The following ZNF280A variants were observed in gnomAD, a reference collection of about 807,000 sequenced individuals.
ZNF280A encodes suppressor of hairy wing homolog 1.
ZNF280A carries 26 observed loss-of-function variants against 35.9 expected under a neutral mutation model. The ratio of observed to expected loss-of-function variants is 0.72; its 90% CI spans 0.53 to 1.01. ZNF280A has a LOEUF of 1.01. ZNF280A is among the 50% of genes least tolerant of loss of function. ZNF280A has a pLI of 0.00. For missense variants in ZNF280A, 654 were observed against 652.0 expected (o/e 1.00, Z -0.03); for synonymous variants, 231 against 232.9 (o/e 0.99, Z 0.07).
At chr22:22,517,047 G>A (rs2062080242) in intron 1 of ZNF280A, among the ~76,000 whole-genome samples, 1 of 151,888 alleles carries the variant, frequency 6.6e-6, no homozygotes, top group Non-Finnish European at 1.5e-5. Context: ...ATTACAGTGA[G>A]ATATATCATG....
At position 22,514,420 on chromosome 22, in the gene ZNF280A, G is replaced by A. The variant is rs376568791; in HGVS notation, c.1211C>T (p.Ser404Leu). 32 of 1,613,800 alleles carry A rather than the reference G, an allele frequency of 2.0e-5. No homozygotes were observed. In the African/African-American group the frequency reaches 2.3e-4, roughly 11 times the overall value. The change falls in exon 2 of 2, where the codon TCG becomes TTG. Residue 404 changes from serine to leucine, a missense_variant. Transcript: ENST00000302097. Reference protein sequence around the residue: ...YVCQVCHYRSSVFADVETHFR... With the variant: ...YVCQVCHYRSLVFADVETHFR... ...ATGTGTTTCCACATCAGCAAAGACC[G>A]ACGATCTGTAATGGCAAACCTGGCA...
rs144599536 is a variant in ZNF280A at position 22,515,302 on chromosome 22, G to A, written c.329C>T (p.Ser110Leu). 8.2e-4 allele frequency: 1,321 copies of A among 1,613,782 alleles called. No homozygotes were observed. Among genetic ancestry groups the A allele is most frequent in the Non-Finnish European group, 1.0e-3 (1,195 of 1,179,946 alleles). ...IMPVSLSEGR[S>L]TDSPVTMKSS... ...CTTCATAGTGACAGGACTATCTGTC[G>A]ATCGCCCCTCAGACAGAGAAACCGG... is the stretch of plus-strand genomic sequence containing the variant. Residue 110 changes from serine to leucine, a missense_variant, in exon 2 of 2, where the codon TCG (serine) becomes TTG (leucine). Coordinates refer to ENST00000302097, the MANE Select transcript of ZNF280A (RefSeq NM_080740.5).
intron 1 of ZNF280A, among the ~76,000 whole-genome samples, chr22:22,517,631 C>G (rs985602042): frequency 2.0e-5 from 3 of 151,918 alleles, no homozygotes; most frequent in Non-Finnish European, 4.4e-5. Context: ...TTTATTGATT[C>G]TAAGGTATAG....
chr22:22,518,073 C>T (rs1367695077), intron 1 of ZNF280A, among the ~76,000 whole-genome samples: 1 of 151,720 alleles, frequency 6.6e-6, no homozygotes, highest in African/African-American at 2.4e-5. Context: ...CTACAGGCGC[C>T]CGCCACCTCG....
In ZNF280A at chr22:22,515,164, C is replaced by T; in HGVS notation, c.467G>A (p.Gly156Glu). The change falls in exon 2 of 2, where the codon GGA (glycine) becomes GAA (glutamate). Residue 156 changes from glycine (G) to glutamate (E), a missense_variant. Gly to Glu is a moderately conservative substitution (Grantham distance 98, BLOSUM62 -2). Transcript: ENST00000302097. ...ATCAGGAGAACTCTCATTTCTGCCTCCTCCAGAGACCATAGCTCCAACTAG... is the reference window on the plus strand; with the variant it reads ...ATCAGGAGAACTCTCATTTCTGCCTTCTCCAGAGACCATAGCTCCAACTAG... ...QCLVGAMVSG[G>E]GRNESSPDSK... The T allele has an allele frequency of 3.1e-6, 5 of 1,613,908 alleles. No homozygotes were observed. Among genetic ancestry groups the T allele is most frequent in the Non-Finnish European group, 4.2e-6 (5 of 1,179,978 alleles).
chr22:22,516,450 T>G (rs576436912), intron 1 of ZNF280A, among the ~76,000 whole-genome samples: 135 of 152,078 alleles, frequency 8.9e-4, no homozygotes, highest in African/African-American at 2.9e-3. Context: ...CTGCTCTATC[T>G]TTTAAAGATA....
intron 1 of ZNF280A, among the ~76,000 whole-genome samples, chr22:22,519,286 A>G (rs1328734257): frequency 1.3e-5 from 2 of 151,628 alleles, no homozygotes; most frequent in African/African-American, 4.8e-5. Context: ...TACAAAAATT[A>G]TCTGGGCAGA....
Position 22,513,782 on chromosome 22 carries a change from TGA to T in ZNF280A, c.*218_*219del. ...AAAGTTCATGAACAAGAAAAACCTC[TGA>T]GGTCAGAATAAGGGATGCCCTGTTG... is the stretch of plus-strand genomic sequence containing the variant. On this transcript the variant is annotated 3_prime_UTR_variant, in exon 2 of 2. Transcript: ENST00000302097. 2.2e-6 allele frequency: 1 copy of T among 460,124 alleles called. No homozygotes were observed. Among genetic ancestry groups the T allele is most frequent in the East Asian group, 3.3e-5 (1 of 30,018 alleles). 28.5% of individuals were successfully genotyped at this position (460,124 alleles called of 1,614,324 possible). A position where few individuals can be genotyped will look rare whatever the true frequency, so the allele number is the denominator to read the frequency against.
chr22:22,515,968 C>T (rs1053622570), intron 1 of ZNF280A, among the ~76,000 whole-genome samples: 1 of 151,874 alleles, frequency 6.6e-6, no homozygotes. Context: ...AAATTTTGCA[C>T]TCTAGATGCC....
chr22:22,517,876 T>TTAAAA (rs1234706021), intron 1 of ZNF280A, among the ~76,000 whole-genome samples: 1 of 127,922 alleles, frequency 7.8e-6, no homozygotes, highest in Non-Finnish European at 1.6e-5. Context: ...ACATCTGATG[T>TTAAAA]AAAAAAAAAA....
chr22:22,516,108 A>G (rs911866715), intron 1 of ZNF280A, among the ~76,000 whole-genome samples: 12 of 151,748 alleles, frequency 7.9e-5, no homozygotes, highest in Non-Finnish European at 1.6e-4. Flanking sequence ...CATCTCTACA[A>G]AAAAATTTAA....
rs532632521 is a variant in ZNF280A at position 22,515,705 on chromosome 22, A to C, written c.-71-4T>G. 1 of 1,514,422 alleles carries C rather than the reference A, an allele frequency of 6.6e-7. No homozygotes were observed. Among genetic ancestry groups the C allele is most frequent in the African/African-American group, 1.4e-5 (1 of 71,590 alleles). 93.8% of individuals were successfully genotyped at this position (1,514,422 alleles called of 1,614,324 possible). ...CTGTCTTTTTACAAATTGCCACCTA[A>C]GTGCAACCATGTGACAATAGTCAAT... is the stretch of plus-strand genomic sequence containing the variant. On this transcript the variant is annotated splice_polypyrimidine_tract_variant and splice_region_variant and intron_variant, in intron 1 of 1. Transcript: ENST00000302097.
At chr22:22,515,964 T>G (rs2062064140) in intron 1 of ZNF280A, among the ~76,000 whole-genome samples, 1 of 151,876 alleles carries the variant, frequency 6.6e-6, no homozygotes, top group African/African-American at 2.4e-5. Context: ...CTCTAAATTT[T>G]GCACTCTAGA....
rs559536171 is a variant in ZNF280A at position 22,514,904 on chromosome 22, C to G, written c.727G>C (p.Glu243Gln). ...GCCAGGGCAGACTCACTTGCTCTCT[C>G]TGGATCTGTAAGATTGAAATGTGCC... ...GKAHFNLTDP[E>Q]RASESALAMT... The change falls in exon 2 of 2, where the codon GAG becomes CAG. Residue 243 changes from glutamate to glutamine, a missense_variant. By Grantham distance (29) the Glu-to-Gln change is conservative. Transcript: ENST00000302097. 6.2e-7 allele frequency: 1 copy of G among 1,613,794 alleles called. No homozygotes were observed. The highest frequency in any genetic ancestry group is 1.1e-5 in the South Asian group (1 of 91,064).
At position 22,515,643 on chromosome 22, in the gene ZNF280A, T is replaced by TGTCTC. The variant is rs771348657; in HGVS notation, c.-14_-13insGAGAC. On this transcript the variant is annotated 5_prime_UTR_variant, in exon 2 of 2. Transcript: ENST00000302097. ...AGATATCTCCCATTTTCAATTTACT[T>TGTCTC]TTTGCTTGAAGCCACTGGTCTCTTC... 13 of 1,562,642 alleles carry TGTCTC rather than the reference T, an allele frequency of 8.3e-6. No homozygotes were observed. The African/African-American group carries it at 1.6e-4, about 20-fold the overall frequency.
In ZNF280A at chr22:22,514,453, G is replaced by A. The variant is rs777759958; in HGVS notation, c.1178C>T (p.Pro393Leu). Residue 393 changes from proline to leucine, a missense_variant, in exon 2 of 2, where the codon CCT (proline) becomes CTT (leucine). Pro to Leu is a moderately conservative substitution (Grantham distance 98). Transcript: ENST00000302097. ...MKDHHKPGEM[P>L]YVCQVCHYRS... ...GTAATGGCAAACCTGGCACACATAA[G>A]GCATTTCGCCAGGCTTATGATGGTC... is the stretch of plus-strand genomic sequence containing the variant. The A allele has an allele frequency of 1.2e-6, 2 of 1,613,920 alleles. No homozygotes were observed. The highest frequency in any genetic ancestry group is 3.3e-5 in the Admixed American group (2 of 59,990).
At chr22:22,519,148 G>A (rs2062110006) in intron 1 of ZNF280A, among the ~76,000 whole-genome samples, 1 of 151,898 alleles carries the variant, frequency 6.6e-6, no homozygotes, top group Non-Finnish European at 1.5e-5. Context: ...TAAAAGATAT[G>A]TGAGATAGGG....
chr22:22,518,221 G>A (rs967347905), intron 1 of ZNF280A, among the ~76,000 whole-genome samples: 4 of 151,552 alleles, frequency 2.6e-5, no homozygotes, highest in South Asian at 2.1e-4. Context: ...CACTGTGCCC[G>A]GCCAATTGAT....
chr22:22,520,247 C>T lies in ZNF280A; in HGVS notation c.-230G>A, dbSNP rs182211469. 5.8e-4 allele frequency: 88 copies of T among 152,114 alleles called. No individual in the cohort carries two copies. Among genetic ancestry groups the T allele is most frequent in the African/African-American group, 2.0e-3 (84 of 41,524 alleles). 9.4% of individuals were successfully genotyped at this position (152,114 alleles called of 1,614,324 possible). On this transcript the variant is annotated 5_prime_UTR_variant, in exon 1 of 2. Coordinates refer to ENST00000302097, the MANE Select transcript of ZNF280A (RefSeq NM_080740.5). ...CACTGCTTCCGCAGGCGAACAACGC[C>T]GCTTGCTCTTCAAAGTCCTTTCTGA...
Sources: gnomAD v4.1 joint callset for allele counts (sites outside exome capture counted in the v4.1 genomes callset) on GRCh38, gnomAD v4.1.1 for gene constraint, MANE v1.5 for transcripts, NCBI Gene and HGNC (gene_info 2026-07-23, HGNC 2026-07-21) for gene names.